Variants in CDH10 observed in about 807,000 individuals in gnomAD.
CDH10 encodes cadherin 10, also known as cadherin-10.
CDH10 carries 30 observed loss-of-function variants against 73.1 expected under a neutral mutation model. The ratio of observed to expected loss-of-function variants is 0.41; its 90% confidence interval spans 0.31 to 0.56. CDH10 has a LOEUF of 0.56. Among genes scored for constraint, CDH10 ranks in the 20% least tolerant of loss-of-function variants. CDH10 has a pLI of 0.27. For missense variants in CDH10, 815 were observed against 973.7 expected (o/e 0.84, Z 2.17); for synonymous variants, 345 against 348.2 (o/e 0.99, Z 0.10).
intron 7 of CDH10, 105 bp downstream of exon 7, chr5:24,509,461 G>C: frequency 1.1e-6 from 1 of 950,238 alleles, no homozygotes; most frequent in East Asian, 2.6e-5. Context: ...GGCTGGTCTC[G>C]AACTCCTGAC....
chr5:24,627,349 C>G (rs779102575), intron 1 of CDH10, among the ~76,000 whole-genome samples: 5 of 151,716 alleles, frequency 3.3e-5, no homozygotes, highest in Non-Finnish European at 7.4e-5. Flanking sequence ...TGCTTAAATC[C>G]TACTTAATTT....
At chr5:24,564,093 C>G (rs1745075179) in intron 2 of CDH10, among the ~76,000 whole-genome samples, 1 of 152,126 alleles carries the variant, frequency 6.6e-6, no homozygotes, top group South Asian at 2.1e-4. Context: ...TCTGGTTCCT[C>G]TTAGTCAAAA....
intron 2 of CDH10, among the ~76,000 whole-genome samples, chr5:24,559,444 T>C (rs564818942): frequency 1.3e-5 from 2 of 152,200 alleles, no homozygotes; most frequent in African/African-American, 4.8e-5. Context: ...TTCATAAATT[T>C]ATCTTAGATT....
At position 24,574,543 on chromosome 5, in the gene CDH10, T is replaced by C. The variant is rs570856505; in HGVS notation, c.231+18717A>G. ...ACAAATTACAACCACCACGGGAATA[T>C]TGACGGTGTCACTACTTGAGATCTG... On this transcript the variant is annotated intron_variant, in intron 2 of 11. Coordinates refer to ENST00000264463, the MANE Select transcript of CDH10 (RefSeq NM_006727.5). Among the ~76,000 whole-genome samples, 32 of 152,084 alleles carry C rather than the reference T, an allele frequency of 2.1e-4. No individual in the cohort carries two copies. In the South Asian group the frequency reaches 2.7e-3, roughly 13 times the overall value.
At chr5:24,538,024 C>T (rs924623769) in intron 2 of CDH10, among the ~76,000 whole-genome samples, 2 of 152,014 alleles carry the variant, frequency 1.3e-5, no homozygotes, top group Admixed American at 6.6e-5. Context: ...TCTCTCATCT[C>T]TTTCTGTGAA....
chr5:24,520,564 T>G (rs1366592874), intron 5 of CDH10, among the ~76,000 whole-genome samples: 1 of 152,194 alleles, frequency 6.6e-6, no homozygotes, highest in African/African-American at 2.4e-5. Context: ...GGTAATTAAC[T>G]CTGGACTATC....
At chr5:24,527,296 T>C (rs1446161271) in intron 5 of CDH10, among the ~76,000 whole-genome samples, 1 of 147,772 alleles carries the variant, frequency 6.8e-6, no homozygotes, top group African/African-American at 2.5e-5. Flanking sequence ...GTCTTATATA[T>C]ATTTATATAA....
At chr5:24,547,122 C>T (rs979671157) in intron 2 of CDH10, among the ~76,000 whole-genome samples, 20 of 152,072 alleles carry the variant, frequency 1.3e-4, no homozygotes, top group Admixed American at 6.5e-4. Flanking sequence ...TACCAGAGGA[C>T]GATTTAAAAT....
At chr5:24,512,967 A>G (rs1486221558) in intron 5 of CDH10, among the ~76,000 whole-genome samples, 1 of 151,398 alleles carries the variant, frequency 6.6e-6, no homozygotes, top group East Asian at 2.0e-4. Context: ...TTAATTTCCT[A>G]TATTACTATT....
chr5:24,628,160 G>A (rs1381452238), intron 1 of CDH10, among the ~76,000 whole-genome samples: 1 of 152,078 alleles, frequency 6.6e-6, no homozygotes, highest in East Asian at 1.9e-4. Flanking sequence ...CCTGAACTGA[G>A]GTATGATTTA....
chr5:24,552,833 A>G (rs528709791), intron 2 of CDH10, among the ~76,000 whole-genome samples: 2 of 151,964 alleles, frequency 1.3e-5, no homozygotes, highest in African/African-American at 2.4e-5. Context: ...TTCCTCATCA[A>G]TCTCCTGAGG....
chr5:24,502,061 A>G (rs1031992636), intron 8 of CDH10, among the ~76,000 whole-genome samples: 1 of 150,636 alleles, frequency 6.6e-6, no homozygotes, highest in Admixed American at 6.6e-5. Context: ...TTGGGACTAC[A>G]GGTGCCCGCC....
At chr5:24,630,071 G>C (rs1269235474) in intron 1 of CDH10, among the ~76,000 whole-genome samples, 1 of 152,114 alleles carries the variant, frequency 6.6e-6, no homozygotes, top group Non-Finnish European at 1.5e-5. Context: ...ACTAGGCTGT[G>C]AGTTGGGGAT....
At chr5:24,510,163 G>A (rs1364762490) in intron 6 of CDH10, among the ~76,000 whole-genome samples, 1 of 152,156 alleles carries the variant, frequency 6.6e-6, no homozygotes, top group Non-Finnish European at 1.5e-5. Flanking sequence ...CACGTGCAAA[G>A]GTGTTAGCTA....
In CDH10 at chr5:24,542,655, C is replaced by A. The variant is rs563213345; in HGVS notation, c.232-4981G>T. Among the ~76,000 whole-genome samples the A allele has an allele frequency of 2.6e-5, 4 of 152,274 alleles. No individual in the cohort carries two copies. In the South Asian group the frequency reaches 8.3e-4, roughly 32 times the overall value. On this transcript the variant is annotated intron_variant, in intron 2 of 11. Coordinates refer to ENST00000264463, the MANE Select transcript of CDH10 (RefSeq NM_006727.5). ...AAGCTATGCATGATTGGACCACAGA[C>A]TGGGTGGCTTATAAGCAACAGAAAT... is the stretch of plus-strand genomic sequence containing the variant.
chr5:24,584,821 C>T (rs1052130806), intron 2 of CDH10, among the ~76,000 whole-genome samples: 1 of 151,250 alleles, frequency 6.6e-6, no homozygotes, highest in Non-Finnish European at 1.5e-5. Flanking sequence ...TTCTGGTTGT[C>T]TAGTTGTTCA....
chr5:24,526,471 C>T (rs1743535491), intron 5 of CDH10, among the ~76,000 whole-genome samples: 1 of 151,798 alleles, frequency 6.6e-6, no homozygotes. Flanking sequence ...TGCTGTATTT[C>T]ACTAGCTACT....
intron 9 of CDH10, among the ~76,000 whole-genome samples, chr5:24,496,596 T>C (rs2111672477): frequency 6.6e-6 from 1 of 152,294 alleles, no homozygotes; most frequent in East Asian, 1.9e-4. Context: ...ACCAAATGAA[T>C]GGATAATTGT....
chr5:24,636,207 G>A (rs1043555971), intron 1 of CDH10, among the ~76,000 whole-genome samples: 3 of 151,896 alleles, frequency 2.0e-5, no homozygotes, highest in Non-Finnish European at 4.4e-5. Flanking sequence ...GTCCTATGAT[G>A]TAAGTATAAT....
Sources: allele counts gnomAD v4.1 joint callset (sites outside exome capture counted in the v4.1 genomes callset), GRCh38; gene constraint gnomAD v4.1.1; transcripts MANE v1.5; gene names NCBI Gene and HGNC (gene_info 2026-07-23, HGNC 2026-07-21).